Variants in FAM107B observed in about 807,000 individuals in gnomAD.
FAM107B encodes the protein family with sequence similarity 107 member B.
FAM107B carries 21 observed loss-of-function variants against 31.5 expected under a neutral mutation model. The ratio of observed to expected loss-of-function variants is 0.67; its 90% CI spans 0.47 to 0.96. The LOEUF (loss-of-function observed/expected upper bound fraction) is 0.96. Ranked by LOEUF, FAM107B falls within the 40% of genes least tolerant of loss-of-function variation. The pLI is 0.00. For synonymous variants in FAM107B, 157 were observed against 141.5 expected, an observed-to-expected ratio of 1.11 and a Z score of -0.78; for missense variants, 452 against 377.1, an observed-to-expected ratio of 1.20 and a Z score of -1.64.
At chr10:14,723,988 G>A in intron 1 of FAM107B, 1 of 766,814 alleles carries the variant, frequency 1.3e-6, no homozygotes, top group Non-Finnish European at 2.3e-6. Context: ...ACCTAAGTGG[G>A]TTCCTGCTCC....
At chr10:14,559,222 G>C (rs952579779) in intron 2 of FAM107B, among the ~76,000 whole-genome samples, 1 of 152,130 alleles carries the variant, frequency 6.6e-6, no homozygotes, top group African/African-American at 2.4e-5. Flanking sequence ...ACACAGCCAT[G>C]TCCAGAGGGC....
At chr10:14,637,924 T>C (rs6602748) in intron 2 of FAM107B, among the ~76,000 whole-genome samples, 133,282 of 152,164 alleles carry the variant, frequency 0.88, 58,633 homozygotes, top group East Asian at 0.95. Flanking sequence ...TAGCAGACAC[T>C]TTGATTGCAG....
chr10:14,522,386 GGGGA>G (rs368539283), intron 3 of FAM107B, among the ~76,000 whole-genome samples: 1 of 152,160 alleles, frequency 6.6e-6, no homozygotes, highest in East Asian at 1.9e-4. Context: ...TCTGCATGGA[GGGGA>G]GGCTTCCCAA....
Position 14,604,952 on chromosome 10 carries a change from C to G in FAM107B, c.469+62682G>C, listed in dbSNP as rs116714116. On this transcript the variant is annotated intron_variant, in intron 2 of 4. Transcript: ENST00000181796. ...CTCACCCCCATCTCTCTCTCTTATT[C>G]TGTCTCACACACAAAGTACCCAAGA... Among the ~76,000 whole-genome samples, 567 of 152,184 alleles carry G rather than the reference C, an allele frequency of 3.7e-3. 2 individuals are homozygous for G. The highest frequency in any genetic ancestry group is 0.013 in the African/African-American group (540 of 41,526).
chr10:14,541,018 C>T (rs973527909), intron 2 of FAM107B, among the ~76,000 whole-genome samples: 1 of 152,176 alleles, frequency 6.6e-6, no homozygotes, highest in Admixed American at 6.5e-5. Context: ...AACAATCCCT[C>T]GCAGTCTTCC....
chr10:14,540,432 G>A (rs1209802893), intron 2 of FAM107B, among the ~76,000 whole-genome samples: 1 of 152,186 alleles, frequency 6.6e-6, no homozygotes, highest in Non-Finnish European at 1.5e-5. Flanking sequence ...GGTTTTCTCA[G>A]GCCATCCAGG....
At chr10:14,662,533 T>C (rs1450986574) in intron 2 of FAM107B, among the ~76,000 whole-genome samples, 1 of 152,132 alleles carries the variant, frequency 6.6e-6, no homozygotes, top group Non-Finnish European at 1.5e-5. Flanking sequence ...TGCACCACCA[T>C]GCCCAGCTAA....
At chr10:14,709,914 TA>T (rs750829325) in intron 1 of FAM107B, among the ~76,000 whole-genome samples, 5 of 151,942 alleles carry the variant, frequency 3.3e-5, no homozygotes, top group Non-Finnish European at 5.9e-5. Flanking sequence ...GCCTGGGATA[TA>T]GGGGGGAGGA....
At chr10:14,678,037 AG>A (rs1380662042) in intron 1 of FAM107B, among the ~76,000 whole-genome samples, 1 of 152,202 alleles carries the variant, frequency 6.6e-6, no homozygotes, top group African/African-American at 2.4e-5. Flanking sequence ...GAGGAAACTA[AG>A]GTCAGAGAAA....
chr10:14,620,242 G>A (rs1466373564), intron 2 of FAM107B, among the ~76,000 whole-genome samples: 2 of 151,888 alleles, frequency 1.3e-5, no homozygotes, highest in Non-Finnish European at 2.9e-5. Context: ...TGGTCTCGAT[G>A]TCTCGACCTC....
chr10:14,703,739 C>T (rs1855457537), intron 1 of FAM107B, among the ~76,000 whole-genome samples: 2 of 152,168 alleles, frequency 1.3e-5, no homozygotes, highest in African/African-American at 2.4e-5. Flanking sequence ...ATGTGGTATC[C>T]AATTCTGCTT....
At chr10:14,672,158 G>A (rs1383145199) in intron 1 of FAM107B, among the ~76,000 whole-genome samples, 3 of 149,854 alleles carry the variant, frequency 2.0e-5, no homozygotes, top group Non-Finnish European at 4.4e-5. Context: ...GCGTGATCTC[G>A]GCTCACTGCA....
intron 2 of FAM107B, among the ~76,000 whole-genome samples, chr10:14,545,205 C>T (rs1035776701): frequency 1.3e-5 from 2 of 152,154 alleles, no homozygotes; most frequent in African/African-American, 2.4e-5. Flanking sequence ...CAGCATCATG[C>T]AGCTAGCTCC....
intron 2 of FAM107B, among the ~76,000 whole-genome samples, chr10:14,580,649 T>C (rs1257739707): frequency 1.3e-5 from 2 of 152,106 alleles, no homozygotes; most frequent in African/African-American, 4.8e-5. Context: ...CCTTTATTCA[T>C]TCATGCCAAA....
chr10:14,570,595 A>G (rs1473262993), intron 2 of FAM107B, among the ~76,000 whole-genome samples: 1 of 152,160 alleles, frequency 6.6e-6, no homozygotes, highest in Non-Finnish European at 1.5e-5. Flanking sequence ...TGTGGTCAGG[A>G]GTTCAAGACC....
At chr10:14,561,708 AAAAG>A (rs1358937155) in intron 2 of FAM107B, among the ~76,000 whole-genome samples, 2 of 152,258 alleles carry the variant, frequency 1.3e-5, no homozygotes, top group African/African-American at 2.4e-5. Flanking sequence ...TCTAATACAT[AAAAG>A]AAAGAAAGAA....
chr10:14,728,848 G>C (rs1039662407), intron 1 of FAM107B, among the ~76,000 whole-genome samples: 12 of 152,188 alleles, frequency 7.9e-5, no homozygotes, highest in Non-Finnish European at 1.3e-4. Flanking sequence ...TTTTTGACAA[G>C]AGTAGGCTTT....
At chr10:14,553,604 G>A (rs914268063) in intron 2 of FAM107B, 2 of 310,176 alleles carry the variant, frequency 6.4e-6, no homozygotes, top group Non-Finnish European at 1.3e-5. Flanking sequence ...AAGAGTAGGG[G>A]AGACACTAAG....
At chr10:14,665,763 C>T (rs1046047648) in intron 2 of FAM107B, among the ~76,000 whole-genome samples, 1 of 152,218 alleles carries the variant, frequency 6.6e-6, no homozygotes, top group Admixed American at 6.5e-5. Flanking sequence ...CCCCAAGGGG[C>T]CTTGTTTGAT....
Sources: gnomAD v4.1 joint callset for allele counts (sites outside exome capture counted in the v4.1 genomes callset) on GRCh38, gnomAD v4.1.1 for gene constraint, MANE v1.5 for transcripts, NCBI Gene and HGNC (gene_info 2026-07-23, HGNC 2026-07-21) for gene names.